GRK6: variants seen among roughly 807,000 people sequenced by gnomAD.
GRK6 encodes the protein G protein-coupled receptor kinase 6.
Under a neutral mutation model 80.8 loss-of-function variants are expected in GRK6, and 37 were observed. The observed-to-expected ratio is 0.46, with a 90% CI of 0.35 to 0.60. The LOEUF (loss-of-function observed/expected upper bound fraction) is 0.60, where lower values mean the gene tolerates loss of function less well. Among genes scored for constraint, GRK6 ranks in the 20% least tolerant of loss-of-function variants. The pLI is 0.00. For missense variants in GRK6, 560 were observed against 784.6 expected (o/e 0.71, Z 3.42); for synonymous variants, 295 against 320.9 (o/e 0.92, Z 0.86).
At chr5:177,433,096 C>T (rs1374769541) in intron 5 of GRK6, 51 bp from the exon 6 acceptor site, 16 of 1,500,984 alleles carry the variant, frequency 1.1e-5, no homozygotes, top group Non-Finnish European at 1.5e-5. Flanking sequence ...AAGCCAAGAG[C>T]CTGAGGTGTC....
rs1444858170 is a variant in GRK6, at chr5:177,442,854, C to T, written c.*1064C>T. 1.3e-5 allele frequency: 2 copies of T among 152,364 alleles called. No homozygotes were observed. Among genetic ancestry groups the T allele is most frequent in the East Asian group, 3.9e-4 (2 of 5,182 alleles). 9.4% of individuals were successfully genotyped at this position (152,364 alleles called of 1,614,324 possible). On this transcript the variant is annotated 3_prime_UTR_variant, in exon 16 of 16. Coordinates refer to ENST00000355472, the MANE Select transcript of GRK6 (RefSeq NM_001004106.3). ...TACTCGTTTTGTCCAACGTAAGCTG[C>T]CACATGTCTCTGTGTGAATAGTCCG... is the stretch of plus-strand genomic sequence containing the variant.
intron 4 of GRK6, 86 bp from the exon 5 acceptor site, chr5:177,432,620 G>T: frequency 1.1e-6 from 1 of 950,432 alleles, no homozygotes; most frequent in Non-Finnish European, 1.6e-6. Flanking sequence ...CATGGCACCA[G>T]CCCGAGTTGC....
chr5:177,441,633 C>A, intron 15 of GRK6, 104 bp from the exon 16 acceptor site: 1 of 979,106 alleles, frequency 1.0e-6, no homozygotes, highest in Non-Finnish European at 1.7e-6. Context: ...CCTCAGGCAG[C>A]TCCTGGCCTG....
At position 177,441,303 on chromosome 5, in the gene GRK6, G is replaced by A. The variant is rs563210345; in HGVS notation, c.1677+250G>A. 640 of 1,550,958 alleles carry A rather than the reference G, an allele frequency of 4.1e-4. 1 individual carries two copies. Among genetic ancestry groups the A allele is most frequent in the Non-Finnish European group, 5.1e-4 (581 of 1,146,696 alleles). ...TTGCTGCCTGGCCTCGGGGAGCCACGGGCAGCCCTTCCATGGCAAAGGCAA... is the reference window on the plus strand; with the variant it reads ...TTGCTGCCTGGCCTCGGGGAGCCACAGGCAGCCCTTCCATGGCAAAGGCAA... On this transcript the variant is annotated intron_variant, in intron 15 of 15. Coordinates refer to ENST00000355472, the MANE Select transcript of GRK6 (RefSeq NM_001004106.3).
chr5:177,441,101 G>A (rs1363507178), intron 15 of GRK6, 48 bp downstream of exon 15: 37 of 1,602,062 alleles, frequency 2.3e-5, no homozygotes, highest in Non-Finnish European at 2.8e-5. Context: ...GGCTCCAGGG[G>A]ACGGTGGGTG....
At chr5:177,441,103 C>A in intron 15 of GRK6, 50 bp downstream of exon 15, 1 of 1,600,818 alleles carries the variant, frequency 6.2e-7, no homozygotes, top group Non-Finnish European at 8.5e-7. Flanking sequence ...CTCCAGGGGA[C>A]GGTGGGTGGG....
chr5:177,435,027 C>T lies in GRK6; in HGVS notation c.968-5C>T, dbSNP rs1348995393. ...GGGTCCACCTGTTTCTCCACCCACA[C>T]TCAGGCCACATCCGCATCTCTGACC... is the stretch of plus-strand genomic sequence containing the variant. On this transcript the variant is annotated splice_polypyrimidine_tract_variant and splice_region_variant and intron_variant, in intron 10 of 15. Transcript: ENST00000355472. The T allele has an allele frequency of 2.5e-6, 4 of 1,613,004 alleles. No individual in the cohort carries two copies. Among genetic ancestry groups the T allele is most frequent in the Admixed American group, 1.7e-5 (1 of 60,000 alleles).
At chr5:177,427,811 G>T (rs566420323) in intron 1 of GRK6, among the ~76,000 whole-genome samples, 1 of 152,298 alleles carries the variant, frequency 6.6e-6, no homozygotes, top group East Asian at 1.9e-4. Flanking sequence ...GGCAAGGAGG[G>T]AGATTGTGAC....
At chr5:177,427,238 C>T (rs1042898594) in intron 1 of GRK6, among the ~76,000 whole-genome samples, 25 of 152,330 alleles carry the variant, frequency 1.6e-4, no homozygotes, top group African/African-American at 6.0e-4. Context: ...GTAAAGATGC[C>T]CCACGTGCCA....
chr5:177,427,808 A>G (rs1170774533), intron 1 of GRK6, among the ~76,000 whole-genome samples: 2 of 152,188 alleles, frequency 1.3e-5, no homozygotes, highest in Non-Finnish European at 2.9e-5. Flanking sequence ...CAGGGCAAGG[A>G]GGGAGATTGT....
intron 15 of GRK6, 124 bp downstream of exon 15, chr5:177,441,177 G>C: frequency 1.4e-6 from 2 of 1,479,206 alleles, no homozygotes; most frequent in Non-Finnish European, 1.9e-6. Context: ...TGGTGCCCAG[G>C]GTCTCTGGCC....
intron 1 of GRK6, among the ~76,000 whole-genome samples, chr5:177,427,957 G>A (rs953246806): frequency 6.6e-6 from 1 of 152,164 alleles, no homozygotes; most frequent in East Asian, 1.9e-4. Flanking sequence ...TGATTGACTC[G>A]GGCCTAAGAC....
chr5:177,430,861 T>C lies in GRK6; in HGVS notation c.53-11T>C, dbSNP rs142049433. The C allele has an allele frequency of 2.5e-6, 4 of 1,613,306 alleles. No homozygotes were observed. The Admixed American group carries it at 5.0e-5, about 20-fold the overall frequency. On this transcript the variant is annotated splice_polypyrimidine_tract_variant and intron_variant, in intron 1 of 15. Transcript: ENST00000355472. ...TGGGACTCGAGACCCAGTGTCCTAT[T>C]GCTCCCACAGGTGGCGGTGGAAATC...
chr5:177,441,401 C>T (rs868863196), intron 15 of GRK6: 2 of 927,204 alleles, frequency 2.2e-6, no homozygotes, highest in Non-Finnish European at 3.2e-6. Context: ...CACCCTGGCC[C>T]CTTCGAGCTG....
chr5:177,441,230 CT>C, intron 15 of GRK6, 177 bp downstream of exon 15: 2 of 1,551,326 alleles, frequency 1.3e-6, no homozygotes, highest in South Asian at 1.2e-5. Context: ...CTCATGGCCT[CT>C]TTTCTCTTTC....
rs1763785630 is a variant in GRK6, at chr5:177,429,173, G to A, written c.53-1699G>A. Reference sequence around the variant, plus strand: ...TTCATATAAAATTGGGCCTGCTCTGGCAGAGTTGCTGTGAGGATGGAGTGG... The same window carrying A: ...TTCATATAAAATTGGGCCTGCTCTGACAGAGTTGCTGTGAGGATGGAGTGG... On this transcript the variant is annotated intron_variant, in intron 1 of 15. Coordinates refer to ENST00000355472, the MANE Select transcript of GRK6 (RefSeq NM_001004106.3). This position sits in a 1 kb window ranked among gnomAD's most constrained non-coding sequence, Gnocchi z 4.3. 6.6e-6 allele frequency among the ~76,000 whole-genome samples: 1 copy of A among 152,250 alleles called. No homozygotes were observed. The highest frequency in any genetic ancestry group is 2.4e-5 in the African/African-American group (1 of 41,550).
At chr5:177,427,650 C>G (rs1763726986) in intron 1 of GRK6, among the ~76,000 whole-genome samples, 1 of 152,170 alleles carries the variant, frequency 6.6e-6, no homozygotes, top group South Asian at 2.1e-4. Flanking sequence ...ACAGAAGGAC[C>G]AGATCGGGTC....
chr5:177,432,638 C>A, intron 4 of GRK6, 68 bp from the exon 5 acceptor site: 1 of 1,142,362 alleles, frequency 8.8e-7, no homozygotes, highest in Non-Finnish European at 1.3e-6. Flanking sequence ...TGCCTGACCC[C>A]TCTCCCCTGG....
At chr5:177,432,892 G>T (rs1763973721) in intron 5 of GRK6, 86 bp downstream of exon 5, 8 of 1,114,092 alleles carry the variant, frequency 7.2e-6, no homozygotes, top group Admixed American at 4.2e-5. Flanking sequence ...CAGCTCGGTG[G>T]CTGGTGAGGG....
Sources: allele counts gnomAD v4.1 joint callset (sites outside exome capture counted in the v4.1 genomes callset), GRCh38; gene constraint gnomAD v4.1.1; non-coding constraint Gnocchi (gnomAD v3.1); transcripts MANE v1.5; gene names NCBI Gene and HGNC (gene_info 2026-07-23, HGNC 2026-07-21).